QTMAN: variants seen among roughly 807,000 people sequenced by gnomAD.
QTMAN encodes tRNA-queuosine alpha-mannosyltransferase.
the QTMAN span, among the ~76,000 whole-genome samples, chr2:144,209,454 A>C: frequency 6.6e-6 from 1 of 152,206 alleles, no homozygotes; most frequent in African/African-American, 2.4e-5. Flanking sequence ...ACTTCCCCAC[A>C]CTTGTCAATG....
chr2:144,332,997 C>T, the QTMAN span, among the ~76,000 whole-genome samples: 1 of 152,210 alleles, frequency 6.6e-6, no homozygotes, highest in African/African-American at 2.4e-5. Flanking sequence ...CTACTAGAGC[C>T]TCAGGGCCCC....
At chr2:143,952,371 G>A in the QTMAN span, among the ~76,000 whole-genome samples, 1 of 151,336 alleles carries the variant, frequency 6.6e-6, no homozygotes, top group Admixed American at 6.6e-5. Flanking sequence ...TGGTACTATA[G>A]CCTTATGTAC....
chr2:144,000,254 G>C, the QTMAN span, among the ~76,000 whole-genome samples: 1 of 151,958 alleles, frequency 6.6e-6, no homozygotes, highest in Non-Finnish European at 1.5e-5. Flanking sequence ...GGTAATTTTA[G>C]CCAGATATTT....
chr2:144,145,531 G>C, the QTMAN span: 97 of 1,464,924 alleles, frequency 6.6e-5, no homozygotes, highest in Middle Eastern at 5.4e-4. Context: ...CAAAGAAAAA[G>C]GTAGCAAAGG....
chr2:144,132,315 G>T, the QTMAN span, among the ~76,000 whole-genome samples: 3 of 151,946 alleles, frequency 2.0e-5, no homozygotes, highest in Non-Finnish European at 4.4e-5. Context: ...TCTTTTATCA[G>T]GAATTTATTA....
At chr2:144,235,357 C>T in the QTMAN span, among the ~76,000 whole-genome samples, 2 of 152,084 alleles carry the variant, frequency 1.3e-5, no homozygotes, top group Non-Finnish European at 2.9e-5. Flanking sequence ...ATGTCTATAA[C>T]TTGGCTGACA....
At chr2:144,257,173 T>C in the QTMAN span, among the ~76,000 whole-genome samples, 1 of 151,662 alleles carries the variant, frequency 6.6e-6, no homozygotes, top group South Asian at 2.1e-4. Context: ...ACAAACTATT[T>C]TTAAAAATCT....
At chr2:143,954,889 T>G in the QTMAN span, among the ~76,000 whole-genome samples, 344 of 152,298 alleles carry the variant, frequency 2.3e-3, 1 homozygote, top group African/African-American at 8.1e-3. Context: ...GACCTTTTTA[T>G]TCCAATTAAC....
the QTMAN span, among the ~76,000 whole-genome samples, chr2:144,330,519 A>C: frequency 5.3e-5 from 8 of 152,252 alleles, no homozygotes; most frequent in African/African-American, 1.9e-4. Context: ...CGAATCAAAA[A>C]TATGAATCGA....
chr2:144,237,485 C>A, the QTMAN span: 1 of 152,154 alleles, frequency 6.6e-6, no homozygotes, highest in African/African-American at 2.4e-5. Context: ...AACCTGACAA[C>A]AAGTAAATGA....
At chr2:144,206,834 C>A in the QTMAN span, among the ~76,000 whole-genome samples, 2 of 152,242 alleles carry the variant, frequency 1.3e-5, no homozygotes, top group Admixed American at 6.5e-5. Context: ...TGAAAAACTG[C>A]ATAATCAAAA....
the QTMAN span, among the ~76,000 whole-genome samples, chr2:144,156,574 C>G: frequency 6.6e-6 from 1 of 151,872 alleles, no homozygotes. Context: ...TATTAATTAC[C>G]CCATATATCA....
chr2:144,312,916 C>T, the QTMAN span, among the ~76,000 whole-genome samples: 1 of 152,192 alleles, frequency 6.6e-6, no homozygotes, highest in Non-Finnish European at 1.5e-5. Flanking sequence ...AACTGTGAGT[C>T]AATTAAACCT....
the QTMAN span, chr2:143,970,625 T>C: frequency 2.7e-6 from 3 of 1,094,828 alleles, no homozygotes; most frequent in African/African-American, 4.6e-5. Flanking sequence ...TCTATAAAAA[T>C]ACACATTAGA....
At chr2:144,166,439 A>G in the QTMAN span, among the ~76,000 whole-genome samples, 1 of 152,216 alleles carries the variant, frequency 6.6e-6, no homozygotes, top group Non-Finnish European at 1.5e-5. Context: ...TTTTCAATTA[A>G]TCGACAAAGG....
the QTMAN span, among the ~76,000 whole-genome samples, chr2:144,135,846 A>G: frequency 2.6e-5 from 4 of 152,184 alleles, no homozygotes; most frequent in Non-Finnish European, 5.9e-5. Flanking sequence ...GATCACTGGC[A>G]AAAAGTTACT....
the QTMAN span, among the ~76,000 whole-genome samples, chr2:144,153,173 G>A: frequency 6.6e-6 from 1 of 152,172 alleles, no homozygotes; most frequent in Non-Finnish European, 1.5e-5. Flanking sequence ...TCCAGATGCA[G>A]GATAAGAAGT....
chr2:143,957,321 T>C, the QTMAN span: 51 of 1,588,290 alleles, frequency 3.2e-5, no homozygotes, highest in Non-Finnish European at 4.0e-5. Flanking sequence ...CAATGCCTTT[T>C]TGGCCTCTGA....
At chr2:144,219,597 G>A in the QTMAN span, among the ~76,000 whole-genome samples, 2 of 152,102 alleles carry the variant, frequency 1.3e-5, no homozygotes, top group South Asian at 4.1e-4. Context: ...AAGGTAGGCG[G>A]ATTGCTTGAG....
Sources: allele counts gnomAD v4.1 joint callset (sites outside exome capture counted in the v4.1 genomes callset), GRCh38; gene constraint gnomAD v4.1.1; transcripts MANE v1.5; gene names NCBI Gene and HGNC (gene_info 2026-07-23, HGNC 2026-07-21).